Variants in MYH15 observed in about 807,000 individuals in gnomAD.
MYH15 encodes the protein myosin-15.
A neutral mutation model predicts 240.5 loss-of-function variants in MYH15; 227 were observed. The ratio of observed to expected loss-of-function variants is 0.94; its 90% CI spans 0.85 to 1.05. MYH15 has a LOEUF of 1.05. MYH15 is among the 50% of genes least tolerant of loss of function. MYH15 has a pLI of 0.00. For missense variants in MYH15, 2,217 were observed against 2,247.5 expected (o/e 0.99, Z 0.27); for synonymous variants, 785 against 796.7 (o/e 0.99, Z 0.25).
upstream of MYH15, among the ~76,000 whole-genome samples, chr3:108,531,806 A>T (rs1466613801): frequency 6.6e-6 from 1 of 151,368 alleles, no homozygotes; most frequent in African/African-American, 2.4e-5. Flanking sequence ...ATAAATAAAT[A>T]CATAAATAAA....
chr3:108,431,000 C>G, intron 25 of MYH15, 78 bp from the exon 26 acceptor site: 1 of 962,742 alleles, frequency 1.0e-6, no homozygotes, highest in Non-Finnish European at 1.6e-6. Context: ...TGTAATATTC[C>G]TAACACAAAG....
intron 1 of MYH15, among the ~76,000 whole-genome samples, chr3:108,523,733 C>T (rs1258730617): frequency 2.6e-5 from 4 of 151,814 alleles, no homozygotes; most frequent in African/African-American, 7.2e-5. Flanking sequence ...TATTTTTCTC[C>T]GTGCTTATGT....
chr3:108,533,347 T>C (rs1268044099), upstream of MYH15, among the ~76,000 whole-genome samples: 1 of 152,110 alleles, frequency 6.6e-6, no homozygotes, highest in African/African-American at 2.4e-5. Context: ...TAATTATCAA[T>C]TATTTACTAG....
At chr3:108,401,148 G>C (rs2082501074) in intron 33 of MYH15, among the ~76,000 whole-genome samples, 1 of 152,080 alleles carries the variant, frequency 6.6e-6, no homozygotes. Flanking sequence ...TTTAGGAACT[G>C]CATTATGTCC....
the MYH15 span, among the ~76,000 whole-genome samples, chr3:108,538,106 C>T: frequency 1.3e-5 from 2 of 152,158 alleles, no homozygotes; most frequent in African/African-American, 4.8e-5. Flanking sequence ...CTAAGAGGTG[C>T]TCCAGATGTT....
At chr3:108,482,066 G>A (rs571793941) in intron 11 of MYH15, among the ~76,000 whole-genome samples, 2 of 152,214 alleles carry the variant, frequency 1.3e-5, no homozygotes, top group Admixed American at 6.5e-5. Flanking sequence ...CTCGGGCTAG[G>A]TGGTGGCAGT....
the MYH15 span, among the ~76,000 whole-genome samples, chr3:108,545,060 GTAGGTACAGTCATTA>G: frequency 1.3e-5 from 2 of 152,108 alleles, no homozygotes; most frequent in Non-Finnish European, 1.5e-5. Flanking sequence ...AATGAATTTT[GTAGGTACAGTCATTA>G]ATTAGAAACT....
intron 27 of MYH15, among the ~76,000 whole-genome samples, chr3:108,424,051 G>A (rs902703196): frequency 2.6e-5 from 4 of 152,208 alleles, no homozygotes; most frequent in Non-Finnish European, 5.9e-5. Context: ...ATCTGTTTAG[G>A]GCCCTGAATA....
At chr3:108,497,387 T>A (rs1459662878) in intron 6 of MYH15, among the ~76,000 whole-genome samples, 1 of 152,058 alleles carries the variant, frequency 6.6e-6, no homozygotes, top group Admixed American at 6.6e-5. Flanking sequence ...GTCTAACAGC[T>A]CAATAACTCA....
At chr3:108,510,912 C>CAGAG (rs1251666050), upstream of MYH15, among the ~76,000 whole-genome samples, 1 of 152,066 alleles carries the variant, frequency 6.6e-6, no homozygotes, top group Non-Finnish European at 1.5e-5. Flanking sequence ...TATTAATGAA[C>CAGAG]AGAGCCTGGA....
chr3:108,391,030 T>C (rs534856368), intron 37 of MYH15, among the ~76,000 whole-genome samples: 1 of 152,324 alleles, frequency 6.6e-6, no homozygotes, highest in African/African-American at 2.4e-5. Context: ...GCTTTCCACA[T>C]TGCCCTCACT....
chr3:108,450,452 C>A lies in MYH15; in HGVS notation c.2399+3554G>T, dbSNP rs188331705. ...ATATAATAAGCCAGGCACTTAAAGA[C>A]AAATACAGCATAATCTCACTCATAT... On this transcript the variant is annotated intron_variant, in intron 21 of 40. Transcript: ENST00000693548. Among the ~76,000 whole-genome samples, 375 of 152,204 alleles carry A rather than the reference C, an allele frequency of 2.5e-3. 1 individual carries two copies. The highest frequency in any genetic ancestry group is 8.5e-3 in the African/African-American group (352 of 41,552).
At chr3:108,538,076 T>C in the MYH15 span, among the ~76,000 whole-genome samples, 2 of 152,326 alleles carry the variant, frequency 1.3e-5, no homozygotes, top group African/African-American at 4.8e-5. Flanking sequence ...CCACTGATTT[T>C]TATCCCAGAT....
chr3:108,495,172 C>G (rs967234080), intron 7 of MYH15, among the ~76,000 whole-genome samples: 1 of 152,200 alleles, frequency 6.6e-6, no homozygotes, highest in African/African-American at 2.4e-5. Context: ...GTAAATTATA[C>G]AGTGGCTCCC....
chr3:108,393,370 C>A lies in MYH15; in HGVS notation c.5259+661G>T, dbSNP rs368685906. The stretch of plus-strand genomic sequence containing the variant: ...CTCCCCCTCCACTAACATATTTTTC[C>A]CAGTGGTACCTTCCGCTAACCATGC... On this transcript the variant is annotated intron_variant, in intron 36 of 40. Transcript: ENST00000693548. Among the ~76,000 whole-genome samples, 12 of 152,290 alleles carry A rather than the reference C, an allele frequency of 7.9e-5. No individual in the cohort carries two copies. The East Asian group carries it at 1.2e-3, about 15-fold the overall frequency.
chr3:108,420,150 G>T (rs988402674), intron 28 of MYH15, among the ~76,000 whole-genome samples: 2 of 152,140 alleles, frequency 1.3e-5, no homozygotes, highest in African/African-American at 4.8e-5. Context: ...ATCCATAGTG[G>T]TTGATAATAA....
intron 1 of MYH15, among the ~76,000 whole-genome samples, chr3:108,525,646 G>T (rs555763734): frequency 1.3e-5 from 2 of 152,162 alleles, no homozygotes; most frequent in South Asian, 4.1e-4. Context: ...ATTCAAATGA[G>T]TAACTTCTGT....
chr3:108,546,539 A>T, the MYH15 span, among the ~76,000 whole-genome samples: 1 of 152,148 alleles, frequency 6.6e-6, no homozygotes, highest in African/African-American at 2.4e-5. Context: ...TCACTCTCTA[A>T]TGTAGTAGTG....
chr3:108,411,289 C>G (rs1398867369), intron 30 of MYH15, among the ~76,000 whole-genome samples: 1 of 152,178 alleles, frequency 6.6e-6, no homozygotes. Context: ...ACTGAACACC[C>G]TACCAACAGT....
Sources: gnomAD v4.1 joint callset for allele counts (sites outside exome capture counted in the v4.1 genomes callset) on GRCh38, gnomAD v4.1.1 for gene constraint, MANE v1.5 for transcripts, NCBI Gene and HGNC (gene_info 2026-07-23, HGNC 2026-07-21) for gene names.